SNX29: variants seen among roughly 807,000 people sequenced by gnomAD.
SNX29 encodes sorting nexin 29, also known as sorting nexin-29.
Under a neutral mutation model 102.1 loss-of-function variants are expected in SNX29, and 78 were observed. The ratio of observed to expected loss-of-function variants is 0.76; its 90% confidence interval spans 0.64 to 0.92. SNX29 has a LOEUF of 0.92. Ranked by LOEUF, SNX29 falls within the 40% of genes least tolerant of loss-of-function variation. The pLI, the probability that SNX29 is intolerant of heterozygous loss-of-function variation, is 0.00. For synonymous variants in SNX29, 580 were observed against 414.5 expected (o/e 1.40, Z -4.85); for missense variants, 1,280 against 1,061.7 (o/e 1.21, Z -2.86).
chr16:11,988,163 G>C (rs888897853), intron 1 of SNX29, among the ~76,000 whole-genome samples: 20 of 152,004 alleles, frequency 1.3e-4, no homozygotes, highest in Admixed American at 4.6e-4. Context: ...GTGTGGTGGC[G>C]GGTGCCTGTA....
chr16:12,481,419 TACAC>T (rs1050428242), intron 19 of SNX29, among the ~76,000 whole-genome samples: 6 of 147,654 alleles, frequency 4.1e-5, no homozygotes, highest in African/African-American at 1.0e-4. Context: ...CACATATACA[TACAC>T]ACATATACAC....
chr16:12,519,841 C>G (rs1293681408), intron 19 of SNX29, among the ~76,000 whole-genome samples: 1 of 152,026 alleles, frequency 6.6e-6, no homozygotes, highest in Non-Finnish European at 1.5e-5. Context: ...AACCCTGTCT[C>G]TGTTAAAAAT....
chr16:12,015,822 C>A lies in SNX29; in HGVS notation c.123-11498C>A, dbSNP rs147428639. Among the ~76,000 whole-genome samples the A allele has an allele frequency of 3.3e-4, 50 of 151,266 alleles. 1 individual carries two copies. The East Asian group carries it at 8.9e-3, about 27-fold the overall frequency. On this transcript the variant is annotated intron_variant, in intron 3 of 20. Coordinates refer to ENST00000566228, the MANE Select transcript of SNX29 (RefSeq NM_032167.5). ...AGTGCTAGGATTACAGGCGCCTGAGCCACTGTGCCCAGCCTCCAAGTTATA... is the reference window on the plus strand; with the variant it reads ...AGTGCTAGGATTACAGGCGCCTGAGACACTGTGCCCAGCCTCCAAGTTATA...
intron 16 of SNX29, among the ~76,000 whole-genome samples, chr16:12,364,824 C>G (rs2082414281): frequency 6.6e-6 from 1 of 152,144 alleles, no homozygotes; most frequent in African/African-American, 2.4e-5. Context: ...AGACTTGCTG[C>G]CTGTGGAACC....
intron 18 of SNX29, among the ~76,000 whole-genome samples, chr16:12,444,765 G>C (rs1295965832): frequency 6.6e-6 from 1 of 151,562 alleles, no homozygotes; most frequent in African/African-American, 2.4e-5. Flanking sequence ...CACATCTCCA[G>C]AACCCCTTCC....
At chr16:12,568,349 C>G (rs148241462) in intron 20 of SNX29, among the ~76,000 whole-genome samples, 157 bp from the exon 21 acceptor site, 6 of 151,178 alleles carry the variant, frequency 4.0e-5, no homozygotes, top group African/African-American at 9.7e-5. Context: ...AGGGGTTTCT[C>G]ATTTCTTCAG....
chr16:12,360,435 G>C (rs968184777), intron 16 of SNX29, among the ~76,000 whole-genome samples: 1 of 152,090 alleles, frequency 6.6e-6, no homozygotes, highest in African/African-American at 2.4e-5. Context: ...ATGTTCCTCT[G>C]TCCCTTACCT....
chr16:12,332,629 C>G (rs1353471525), intron 15 of SNX29, among the ~76,000 whole-genome samples: 3 of 152,162 alleles, frequency 2.0e-5, no homozygotes, highest in Non-Finnish European at 2.9e-5. Context: ...GCTTTTGACG[C>G]TCAAGAACCC....
Position 12,569,370 on chromosome 16 carries a change from GA to G in SNX29, c.*742del, listed in dbSNP as rs2079136917. ...GCCCTCGCCAGGCTTGGAGTGGGGGGACTCAGACATCTGGCCCAGCCATCAG... is the reference window on the plus strand; with the variant it reads ...GCCCTCGCCAGGCTTGGAGTGGGGGGCTCAGACATCTGGCCCAGCCATCAG... On this transcript the variant is annotated 3_prime_UTR_variant, in exon 21 of 21. Coordinates refer to ENST00000566228, the MANE Select transcript of SNX29 (RefSeq NM_032167.5). 2 of 230,488 alleles carry G rather than the reference GA, an allele frequency of 8.7e-6. No individual in the cohort carries two copies. Among genetic ancestry groups the G allele is most frequent in the African/African-American group, 4.4e-5 (2 of 45,164 alleles). The allele number at this position is 230,488 out of a possible 1,614,324, so 14.3% of individuals were successfully genotyped here.
At chr16:12,549,119 T>C (rs1285613938) in intron 20 of SNX29, among the ~76,000 whole-genome samples, 1 of 152,196 alleles carries the variant, frequency 6.6e-6, no homozygotes, top group Admixed American at 6.5e-5. Context: ...ACATAGCAGA[T>C]GGAAAATTCT....
At chr16:12,090,889 C>T (rs1300100845) in intron 11 of SNX29, among the ~76,000 whole-genome samples, 1 of 151,746 alleles carries the variant, frequency 6.6e-6, no homozygotes, top group Admixed American at 6.6e-5. Context: ...GTGGTGCATG[C>T]CTGTAATCCC....
intron 11 of SNX29, among the ~76,000 whole-genome samples, chr16:12,099,473 C>G (rs530257816): frequency 1.5e-4 from 23 of 152,304 alleles, no homozygotes; most frequent in African/African-American, 5.5e-4. Context: ...TAGGTGACAG[C>G]TGGCAGCTCA....
intron 20 of SNX29, among the ~76,000 whole-genome samples, chr16:12,555,875 G>C (rs558005374): frequency 6.6e-6 from 1 of 151,892 alleles, no homozygotes. Context: ...TCCAGAGGCC[G>C]TGCTTTCTGC....
intron 3 of SNX29, among the ~76,000 whole-genome samples, chr16:12,025,475 T>C (rs753977993): frequency 6.6e-6 from 1 of 152,068 alleles, no homozygotes; most frequent in Non-Finnish European, 1.5e-5. Context: ...TGGAAAAAGA[T>C]TTGTGGAACA....
intron 18 of SNX29, among the ~76,000 whole-genome samples, chr16:12,475,330 AGATCTTG>A (rs1262015597): frequency 6.6e-6 from 1 of 152,252 alleles, no homozygotes; most frequent in African/African-American, 2.4e-5. Context: ...TCTCCACACC[AGATCTTG>A]GATATGTTGG....
intron 18 of SNX29, among the ~76,000 whole-genome samples, chr16:12,462,337 T>G (rs148844616): frequency 6.6e-6 from 1 of 152,248 alleles, no homozygotes; most frequent in African/African-American, 2.4e-5. Context: ...CTCTACAGTT[T>G]AGTCTTCATC....
intron 16 of SNX29, among the ~76,000 whole-genome samples, chr16:12,365,651 A>G (rs562769343): frequency 6.6e-6 from 1 of 150,506 alleles, no homozygotes; most frequent in African/African-American, 2.5e-5. Context: ...AGATCACGCA[A>G]CTACACTCCA....
At chr16:12,278,208 G>A (rs1258406169) in intron 15 of SNX29, among the ~76,000 whole-genome samples, 172 bp downstream of exon 15, 1 of 152,162 alleles carries the variant, frequency 6.6e-6, no homozygotes, top group East Asian at 1.9e-4. Flanking sequence ...AGAAGTATGA[G>A]CTGATCCTTT....
At chr16:12,273,948 C>G (rs1238266346) in intron 14 of SNX29, among the ~76,000 whole-genome samples, 3 of 152,212 alleles carry the variant, frequency 2.0e-5, no homozygotes, top group Non-Finnish European at 2.9e-5. Flanking sequence ...TAGTACAACC[C>G]TGCATGGCTA....
Sources: gnomAD v4.1 joint callset for allele counts (sites outside exome capture counted in the v4.1 genomes callset) on GRCh38, gnomAD v4.1.1 for gene constraint, MANE v1.5 for transcripts, NCBI Gene and HGNC (gene_info 2026-07-23, HGNC 2026-07-21) for gene names.